Variants in ZSCAN32 observed in about 807,000 individuals in gnomAD.
ZSCAN32 encodes the protein zinc finger and SCAN domain containing 32, also known as zinc finger and SCAN domain-containing protein 32.
A neutral mutation model predicts 47.4 loss-of-function variants in ZSCAN32; 52 were observed. The observed-to-expected ratio is 1.10, with a 90% CI of 0.88 to 1.38. ZSCAN32 has a LOEUF of 1.38. ZSCAN32 is among the 40% of genes most tolerant of loss of function. The pLI is 0.00. For missense variants in ZSCAN32, 959 were observed against 846.0 expected (o/e 1.13, Z -1.66); for synonymous variants, 346 against 305.7 (o/e 1.13, Z -1.38).
chr16:3,399,911 G>A (rs1483873688), intron 1 of ZSCAN32, among the ~76,000 whole-genome samples: 2 of 152,170 alleles, frequency 1.3e-5, no homozygotes, highest in Non-Finnish European at 2.9e-5. Context: ...CGCGAAGGCA[G>A]TCTTTTTTAA....
At chr16:3,393,200 ATTTATATT>A (rs2032948667) in intron 3 of ZSCAN32, among the ~76,000 whole-genome samples, 3 of 22,886 alleles carry the variant, frequency 1.3e-4, no homozygotes, top group African/African-American at 1.1e-3. Context: ...TTATATATAT[ATTTATATT>A]TATATATATA....
At chr16:3,392,166 T>C (rs967349758) in intron 3 of ZSCAN32, among the ~76,000 whole-genome samples, 2 of 152,148 alleles carry the variant, frequency 1.3e-5, no homozygotes, top group East Asian at 1.9e-4. Flanking sequence ...ATTCAACTTA[T>C]ATGAAATGTC....
At chr16:3,393,360 C>T (rs2033045612) in intron 3 of ZSCAN32, among the ~76,000 whole-genome samples, 1 of 137,112 alleles carries the variant, frequency 7.3e-6, no homozygotes, top group African/African-American at 2.8e-5. Context: ...GACTCAGCCT[C>T]CTGAGTAGCT....
intron 5 of ZSCAN32, among the ~76,000 whole-genome samples, chr16:3,386,830 T>C (rs950617207): frequency 2.0e-5 from 3 of 151,536 alleles, no homozygotes; most frequent in Non-Finnish European, 4.4e-5. Flanking sequence ...TTTGGAGATA[T>C]ACCTAATGTT....
chr16:3,395,640 C>T (rs1037285937), intron 2 of ZSCAN32, among the ~76,000 whole-genome samples: 11 of 152,172 alleles, frequency 7.2e-5, no homozygotes, highest in Non-Finnish European at 1.6e-4. Flanking sequence ...AGTGTGAGAA[C>T]GGACTAATAA....
In ZSCAN32 at chr16:3,382,594, T is replaced by A. The variant is rs1044390; in HGVS notation, c.*258A>T. ...AGTGCTAGGAACAGGAAGACCCTGG[T>A]TTCCTGGTAGAATTTATGGATCCTA... On this transcript the variant is annotated 3_prime_UTR_variant, in exon 7 of 7. Coordinates refer to ENST00000396852, the MANE Select transcript of ZSCAN32 (RefSeq NM_001284527.2). The A allele has an allele frequency of 0.49, 171,845 of 350,370 alleles. 45,370 individuals carry two copies. Among genetic ancestry groups the A allele is most frequent in the East Asian group, 0.65 (13,313 of 20,454 alleles). The allele number at this position is 350,370 out of a possible 1,614,324, so 21.7% of individuals were successfully genotyped here.
intron 3 of ZSCAN32, among the ~76,000 whole-genome samples, chr16:3,391,071 A>T (rs926243496): frequency 3.3e-5 from 5 of 152,308 alleles, no homozygotes; most frequent in African/African-American, 9.6e-5. Flanking sequence ...CAGGAAAATT[A>T]AAAAAATTGT....
chr16:3,384,251 G>C (rs1475176756), intron 6 of ZSCAN32: 16 of 645,402 alleles, frequency 2.5e-5, no homozygotes, highest in Non-Finnish European at 2.6e-5. Flanking sequence ...CATGAACTTA[G>C]TTGAAAGAGG....
Position 3,382,859 on chromosome 16 carries a change from G to A in ZSCAN32, c.2087C>T (p.Ala696Val), listed in dbSNP as rs542853125. ...GACAGTTTACCGACACACTCATAAC[G>A]CATCTCTTCCTTCCTGTGATGAGAG... Reference protein sequence around the residue: ...AVLSSQEGRDAL With the variant: ...AVLSSQEGRDVL Residue 696 changes from alanine to valine, a missense_variant, in exon 7 of 7, where the codon GCG becomes GTG. Physicochemically the swap from Ala to Val is moderately conservative, Grantham distance 64. Coordinates refer to ENST00000396852, the MANE Select transcript of ZSCAN32 (RefSeq NM_001284527.2). The A allele has an allele frequency of 3.3e-5, 51 of 1,558,638 alleles. 1 individual carries two copies. The East Asian group carries it at 7.2e-4, about 22-fold the overall frequency.
chr16:3,396,966 A>G (rs139256413), intron 2 of ZSCAN32, among the ~76,000 whole-genome samples: 1 of 152,118 alleles, frequency 6.6e-6, no homozygotes, highest in Non-Finnish European at 1.5e-5. Flanking sequence ...TACCACCTTA[A>G]TTAGGGACTT....
Position 3,383,338 on chromosome 16 carries a change from A to G in ZSCAN32, c.1608T>C (p.Leu536=). 1.2e-6 allele frequency: 2 copies of G among 1,614,222 alleles called. No individual in the cohort carries two copies. The highest frequency in any genetic ancestry group is 2.2e-5 in the South Asian group (2 of 91,080). The change falls in exon 7 of 7, where the codon CTT becomes CTC. Residue 536 remains leucine, a synonymous_variant. Coordinates refer to ENST00000396852, the MANE Select transcript of ZSCAN32 (RefSeq NM_001284527.2). The stretch of plus-strand genomic sequence containing the variant: ...CTGTGTGGATTCTTTGATGCCGAAC[A>G]AGATAAGAACTTCGGCTAAAGGTTT... ...CGKTFSRSSY[L]VRHQRIHTGE...
chr16:3,398,817 A>G (rs891720529), intron 1 of ZSCAN32, among the ~76,000 whole-genome samples: 8 of 151,942 alleles, frequency 5.3e-5, no homozygotes, highest in African/African-American at 1.7e-4. Flanking sequence ...CTTCATTACT[A>G]TTACTCCACA....
At chr16:3,391,498 C>T (rs1185141625) in intron 3 of ZSCAN32, among the ~76,000 whole-genome samples, 8 of 150,770 alleles carry the variant, frequency 5.3e-5, no homozygotes, top group African/African-American at 9.8e-5. Context: ...CCCAACATGG[C>T]GAAACCCTGT....
intron 2 of ZSCAN32, among the ~76,000 whole-genome samples, chr16:3,396,522 C>T (rs574345497): frequency 3.9e-5 from 6 of 152,174 alleles, no homozygotes; most frequent in Non-Finnish European, 7.3e-5. Context: ...TTCCTCTGAC[C>T]TGTGCCCTCC....
chr16:3,386,682 A>G (rs2032039201), intron 5 of ZSCAN32, among the ~76,000 whole-genome samples: 2 of 152,172 alleles, frequency 1.3e-5, no homozygotes, highest in South Asian at 4.1e-4. Context: ...TCAGCAAACT[A>G]TTGCGAGGAC....
Position 3,384,833 on chromosome 16 carries a change from T to C in ZSCAN32, c.860A>G (p.Tyr287Cys), listed in dbSNP as rs2150871181. ...LQTCQQNSQI[Y>C]RAMAEGLWEQ... ...CCAGAGTCCTTCCGCCATGGCCCTGTAGATCTGGCTGTTCTGCTGACAGGT... is the reference window on the plus strand; with the variant it reads ...CCAGAGTCCTTCCGCCATGGCCCTGCAGATCTGGCTGTTCTGCTGACAGGT... Residue 287 changes from tyrosine (Y) to cysteine (C), a missense_variant, in exon 6 of 7, where the codon TAC (tyrosine) becomes TGC (cysteine). By Grantham distance (194) the Tyr-to-Cys change is radical. Coordinates refer to ENST00000396852, the MANE Select transcript of ZSCAN32 (RefSeq NM_001284527.2). The C allele has an allele frequency of 1.9e-6, 3 of 1,614,178 alleles. No homozygotes were observed. Among genetic ancestry groups the C allele is most frequent in the East Asian group, 2.2e-5 (1 of 44,884 alleles).
chr16:3,384,476 A>G lies in ZSCAN32; in HGVS notation c.1217T>C (p.Leu406Pro), dbSNP rs757574366. The G allele has an allele frequency of 3.1e-6, 5 of 1,614,060 alleles. No individual in the cohort carries two copies. ...QEVRKLDLPV[L>P]FPNRLGFEFK... ...AGTCTTACCAAGTCTGTTTGGGAACAGCACTGGCAGGTCTAGTTTCCTGAC... is the reference window on the plus strand; with the variant it reads ...AGTCTTACCAAGTCTGTTTGGGAACGGCACTGGCAGGTCTAGTTTCCTGAC... The change falls in exon 6 of 7, where the codon CTG becomes CCG. Residue 406 changes from leucine (L) to proline (P), a missense_variant. By Grantham distance (98) the Leu-to-Pro change is moderately conservative (BLOSUM62 -3). Transcript: ENST00000396852.
intron 5 of ZSCAN32, among the ~76,000 whole-genome samples, chr16:3,388,092 T>C (rs1337167231): frequency 6.6e-6 from 1 of 152,210 alleles, no homozygotes; most frequent in African/African-American, 2.4e-5. Flanking sequence ...TTTTGTAAAA[T>C]ACAATAAAAA....
rs2032558592 is a variant in ZSCAN32 at position 3,390,524 on chromosome 16, GA to G, written c.533-8del. 3.9e-6 allele frequency: 6 copies of G among 1,547,396 alleles called. No homozygotes were observed. The highest frequency in any genetic ancestry group is 1.2e-5 in the South Asian group (1 of 83,902). ...GCCTGAGGAGCAAGCCAGGCTGGGG[GA>G]AAAAACAGCCGCTATTAGAGGGCGG... On this transcript the variant is annotated splice_region_variant and splice_polypyrimidine_tract_variant and intron_variant, in intron 3 of 6. Coordinates refer to ENST00000396852, the MANE Select transcript of ZSCAN32 (RefSeq NM_001284527.2).
Sources: gnomAD v4.1 joint callset for allele counts (sites outside exome capture counted in the v4.1 genomes callset) on GRCh38, gnomAD v4.1.1 for gene constraint, MANE v1.5 for transcripts, NCBI Gene and HGNC (gene_info 2026-07-23, HGNC 2026-07-21) for gene names.